TCTN2: variants seen among roughly 807,000 people sequenced by gnomAD.
TCTN2 encodes tectonic-2.
In TCTN2, 66 loss-of-function variants were observed where a neutral mutation model predicts 83.4. That is an observed-to-expected ratio of 0.79 (90% CI 0.65 to 0.97). The LOEUF (loss-of-function observed/expected upper bound fraction) is 0.97. Ranked by LOEUF, TCTN2 falls within the 50% of genes least tolerant of loss-of-function variation. The probability of loss-of-function intolerance (pLI) is 0.00; values close to 1 mark genes in which losing one functional copy is unlikely to be tolerated. For synonymous variants in TCTN2, 301 were observed against 326.7 expected (o/e 0.92, Z 0.85); for missense variants, 794 against 858.1 (o/e 0.93, Z 0.93).
chr12:123,672,754 A>G (rs1473717483), intron 3 of TCTN2, among the ~76,000 whole-genome samples: 1 of 151,620 alleles, frequency 6.6e-6, no homozygotes, highest in Admixed American at 6.6e-5. Context: ...GTCTCTTAAA[A>G]AAAAAGAAAA....
chr12:123,687,900 G>A (rs576547267), intron 6 of TCTN2, 151 bp from the exon 7 acceptor site: 2 of 996,594 alleles, frequency 2.0e-6, no homozygotes, highest in South Asian at 2.9e-5. Context: ...GGAGGCGGAG[G>A]TAGCAGTGAA....
intron 5 of TCTN2, among the ~76,000 whole-genome samples, chr12:123,682,252 G>T (rs553229912): frequency 6.6e-6 from 1 of 152,184 alleles, no homozygotes; most frequent in Admixed American, 6.5e-5. Flanking sequence ...GATTATAGGC[G>T]TGAGCCACCA....
chr12:123,681,877 A>G (rs1285105807), intron 5 of TCTN2, among the ~76,000 whole-genome samples: 5 of 152,126 alleles, frequency 3.3e-5, no homozygotes, highest in African/African-American at 1.2e-4. Context: ...TAATTTCTCT[A>G]TATCCTCACC....
In TCTN2 at chr12:123,708,028, T is replaced by C. The variant is rs1956252757; in HGVS notation, c.*315T>C. ...CGGCCTTTTTTTTTTTTTTTTTTTTTTTGAGGCGGGGTCTCTGTCACCCAG... is the reference window on the plus strand; with the variant it reads ...CGGCCTTTTTTTTTTTTTTTTTTTTCTTGAGGCGGGGTCTCTGTCACCCAG... On this transcript the variant is annotated 3_prime_UTR_variant, in exon 18 of 18. Transcript: ENST00000303372. 3.7e-6 allele frequency: 1 copy of C among 272,426 alleles called. No individual in the cohort carries two copies. The highest frequency in any genetic ancestry group is 4.3e-5 in the African/African-American group (1 of 23,100). 16.9% of individuals were successfully genotyped at this position (272,426 alleles called of 1,614,324 possible). A position where few individuals can be genotyped will look rare whatever the true frequency, so the allele number is the denominator to read the frequency against.
chr12:123,679,396 C>G (rs1317280960), intron 5 of TCTN2, 107 bp downstream of exon 5: 1 of 1,035,382 alleles, frequency 9.7e-7, no homozygotes, highest in African/African-American at 1.6e-5. Context: ...GGGTCTTGCT[C>G]TGTCACCCAG....
chr12:123,702,209 A>C (rs975209810), intron 14 of TCTN2, among the ~76,000 whole-genome samples: 1 of 152,212 alleles, frequency 6.6e-6, no homozygotes, highest in Non-Finnish European at 1.5e-5. Flanking sequence ...GAAAGAGCCC[A>C]ATGAGTGTGC....
intron 5 of TCTN2, among the ~76,000 whole-genome samples, chr12:123,682,946 G>A (rs1025942781): frequency 4.0e-5 from 6 of 151,574 alleles, no homozygotes; most frequent in Admixed American, 2.6e-4. Flanking sequence ...TTTTTTGGCC[G>A]GGCTCAGTAG....
At chr12:123,705,243 A>G (rs1956216268) in intron 15 of TCTN2, among the ~76,000 whole-genome samples, 2 of 149,736 alleles carry the variant, frequency 1.3e-5, no homozygotes, top group South Asian at 2.1e-4. Flanking sequence ...ACTCACTGCA[A>G]CCTCCAACTC....
At chr12:123,678,185 A>G (rs1955848337) in intron 4 of TCTN2, among the ~76,000 whole-genome samples, 1 of 152,154 alleles carries the variant, frequency 6.6e-6, no homozygotes, top group Non-Finnish European at 1.5e-5. Context: ...GTCAGACCAC[A>G]TTTGTCCCAC....
In TCTN2 at chr12:123,681,969, G is replaced by GT. The variant is rs567220157; in HGVS notation, c.564+2687dup. On this transcript the variant is annotated intron_variant, in intron 5 of 17. Transcript: ENST00000303372. ...ATATTTCTTTATGATTTCCTTCTTT[G>GT]TTTTTTTCTTTAAATTTTTGAGACA... 1.4e-3 allele frequency among the ~76,000 whole-genome samples: 206 copies of GT among 152,110 alleles called. 3 individuals carry two copies. Among genetic ancestry groups the GT allele is most frequent in the African/African-American group, 4.1e-3 (172 of 41,530 alleles).
intron 14 of TCTN2, among the ~76,000 whole-genome samples, chr12:123,703,289 C>A (rs1294390060): frequency 6.6e-6 from 1 of 151,534 alleles, no homozygotes; most frequent in South Asian, 2.1e-4. Flanking sequence ...TCAAGTGATT[C>A]TCCTGCCTCA....
In TCTN2 at chr12:123,704,619, G is replaced by A. The variant is rs780065531; in HGVS notation, c.1700G>A (p.Arg567His). ...CLDIPAHLSI[R>H]ILISDAGAVE... ...GATATTCCTGCTCACCTGAGCATCC[G>A]CATCCTCATCTCGGATGCTGGCGCG... The change falls in exon 15 of 18, where the codon CGC becomes CAC. Residue 567 changes from arginine to histidine, a missense_variant. Coordinates refer to ENST00000303372, the MANE Select transcript of TCTN2 (RefSeq NM_024809.5). 26 of 1,613,410 alleles carry A rather than the reference G, an allele frequency of 1.6e-5. No individual in the cohort carries two copies. Among genetic ancestry groups the A allele is most frequent in the African/African-American group, 5.3e-5 (4 of 74,798 alleles).
At chr12:123,700,076 A>G (rs1399182402) in intron 14 of TCTN2, 1 of 527,262 alleles carries the variant, frequency 1.9e-6, no homozygotes, top group South Asian at 2.0e-5. Flanking sequence ...CAGTGGTGCA[A>G]TCACAGCTCA....
intron 6 of TCTN2, among the ~76,000 whole-genome samples, chr12:123,687,429 G>T (rs892016480): frequency 2.0e-5 from 3 of 151,386 alleles, no homozygotes; most frequent in Non-Finnish European, 4.4e-5. Flanking sequence ...AGGCCGAGGC[G>T]GGCAGATCAT....
rs375840301 is a variant in TCTN2 at position 123,694,268 on chromosome 12, C to T, written c.1100-574C>T. On this transcript the variant is annotated intron_variant, in intron 9 of 17. Transcript: ENST00000303372. Reference sequence around the variant, plus strand: ...TCAGCCTCCCAAAGTGCTGGGATTACAGGCGTGAGCCACCGCACCCGGCCT... The same window carrying T: ...TCAGCCTCCCAAAGTGCTGGGATTATAGGCGTGAGCCACCGCACCCGGCCT... Among the ~76,000 whole-genome samples the T allele has an allele frequency of 2.6e-5, 4 of 152,134 alleles. No homozygotes were observed. In the East Asian group the frequency reaches 7.7e-4, roughly 29 times the overall value.
rs1393954437 is a variant in TCTN2 at position 123,707,038 on chromosome 12, C to T, written c.1949C>T (p.Pro650Leu). Reference protein sequence around the residue: ...YDCNRNEVCWPQLLYPWTQYY... With the variant: ...YDCNRNEVCWLQLLYPWTQYY... Reference sequence around the variant, plus strand: ...TGCAACAGAAATGAGGTGTGTTGGCCGCAGCTTCTATATCCATGGACTCAG... The same window carrying T: ...TGCAACAGAAATGAGGTGTGTTGGCTGCAGCTTCTATATCCATGGACTCAG... The change falls in exon 17 of 18, where the codon CCG (proline) becomes CTG (leucine). Residue 650 changes from proline (P) to leucine (L), a missense_variant. By Grantham distance (98) the Pro-to-Leu change is moderately conservative (BLOSUM62 -3). Transcript: ENST00000303372. 9.3e-6 allele frequency: 15 copies of T among 1,613,546 alleles called. No individual in the cohort carries two copies. Among genetic ancestry groups the T allele is most frequent in the African/African-American group, 1.3e-5 (1 of 74,910 alleles).
intron 11 of TCTN2, chr12:123,695,507 C>G: frequency 2.3e-6 from 1 of 443,316 alleles, no homozygotes; most frequent in Non-Finnish European, 4.1e-6. Flanking sequence ...CTGCAACCTG[C>G]ACCTCCTGGG....
intron 17 of TCTN2, 120 bp from the exon 18 acceptor site, chr12:123,707,484 C>T: frequency 1.1e-6 from 1 of 950,318 alleles, no homozygotes; most frequent in East Asian, 2.5e-5. Context: ...GTGATCCGCC[C>T]TCCTTGGCCT....
chr12:123,704,762 A>G (rs1956211366), intron 15 of TCTN2, 74 bp downstream of exon 15: 1 of 1,508,260 alleles, frequency 6.6e-7, no homozygotes, highest in Non-Finnish European at 9.2e-7. Context: ...CAATAGGGAA[A>G]TGTTTATTTA....
Sources: gnomAD v4.1 joint callset for allele counts (sites outside exome capture counted in the v4.1 genomes callset) on GRCh38, gnomAD v4.1.1 for gene constraint, MANE v1.5 for transcripts, NCBI Gene and HGNC (gene_info 2026-07-23, HGNC 2026-07-21) for gene names.